FGF12: variants seen among roughly 807,000 people sequenced by gnomAD.
FGF12 encodes the protein fibroblast growth factor 12B.
A neutral mutation model predicts 23.6 loss-of-function variants in FGF12; 14 were observed. The ratio of observed to expected loss-of-function variants is 0.59; its 90% CI spans 0.39 to 0.93. The LOEUF is 0.93. FGF12 is among the 40% of genes least tolerant of loss of function. The pLI is 0.00. For missense variants in FGF12, 175 were observed against 217.8 expected (o/e 0.80, Z 1.24); for synonymous variants, 62 against 77.3 (o/e 0.80, Z 1.04).
intron 2 of FGF12, among the ~76,000 whole-genome samples, chr3:192,542,590 T>C (rs569258294): frequency 5.3e-5 from 8 of 152,152 alleles, no homozygotes; most frequent in African/African-American, 1.9e-4. Context: ...CATTGAAGAG[T>C]TGGGTATTTA....
chr3:192,158,655 C>CCCTCCCCCTTCCTTCTTT (rs1553844333), intron 5 of FGF12, among the ~76,000 whole-genome samples: 6 of 27,104 alleles, frequency 2.2e-4, no homozygotes, highest in Non-Finnish European at 3.5e-4. Flanking sequence ...CTCCCTCCCT[C>CCCTCCCCCTTCCTTCTTT]CCTTCCTTCC....
intron 2 of FGF12, among the ~76,000 whole-genome samples, chr3:192,424,530 C>G (rs1045979338): frequency 1.3e-5 from 2 of 152,148 alleles, no homozygotes; most frequent in East Asian, 3.8e-4. Flanking sequence ...AATTAGTTCA[C>G]CCCTTGTGCA....
chr3:192,159,363 C>T (rs57642290), intron 5 of FGF12, among the ~76,000 whole-genome samples: 2,777 of 152,282 alleles, frequency 0.018, 90 homozygotes, highest in African/African-American at 0.063. Flanking sequence ...TTTCACTTGG[C>T]TTCTTGAACA....
At chr3:192,173,152 G>T (rs1300821974) in intron 4 of FGF12, among the ~76,000 whole-genome samples, 1 of 150,722 alleles carries the variant, frequency 6.6e-6, no homozygotes, top group Non-Finnish European at 1.5e-5. Context: ...GAGGGATAAG[G>T]GTGGAGTGAC....
intron 4 of FGF12, among the ~76,000 whole-genome samples, chr3:192,301,739 A>G (rs1715359305): frequency 6.6e-6 from 1 of 152,144 alleles, no homozygotes. Context: ...GCTGCTTAGT[A>G]TTTTGAATTA....
In FGF12 at chr3:192,409,758, G is replaced by T. The variant is rs764826126; in HGVS notation, c.14-49220C>A. 3.3e-5 allele frequency among the ~76,000 whole-genome samples: 5 copies of T among 152,132 alleles called. No homozygotes were observed. Among genetic ancestry groups the T allele is most frequent in the Admixed American group, 1.3e-4 (2 of 15,274 alleles). On this transcript the variant is annotated intron_variant, in intron 2 of 5. Coordinates refer to ENST00000445105, the MANE Select transcript of FGF12 (RefSeq NM_004113.6). The surrounding 1 kb of genome is among the most constrained non-coding windows in gnomAD (Gnocchi z 4.8). ...CCCCTAGGCCTCCTGGGGCTACCTC[G>T]CGAGGCAGCCGAGGGCGCAACCCGG... is the stretch of plus-strand genomic sequence containing the variant.
chr3:192,360,371 T>C lies in FGF12; in HGVS notation c.124+57A>G, dbSNP rs1718661693. ...GCTTAGCAATGCTTTAAGTATAAGA[T>C]ACACTGGGCCCTACATTTGATTTGT... is the stretch of plus-strand genomic sequence containing the variant. On this transcript the variant is annotated intron_variant, in intron 3 of 5. Transcript: ENST00000445105. This position sits in a 1 kb window ranked among gnomAD's most constrained non-coding sequence, Gnocchi z 4.3. 1 of 1,213,206 alleles carries C rather than the reference T, an allele frequency of 8.2e-7. No homozygotes were observed. The highest frequency in any genetic ancestry group is 1.2e-6 in the Non-Finnish European group (1 of 816,206). 75.2% of individuals were successfully genotyped at this position (1,213,206 alleles called of 1,614,324 possible).
intron 2 of FGF12, among the ~76,000 whole-genome samples, chr3:192,666,579 G>A (rs1317085164): frequency 1.3e-5 from 2 of 152,188 alleles, no homozygotes; most frequent in African/African-American, 4.8e-5. Context: ...CTGGCTGTTG[G>A]ACATAGGACT....
At chr3:192,451,105 A>G (rs566547332) in intron 2 of FGF12, among the ~76,000 whole-genome samples, 1 of 152,286 alleles carries the variant, frequency 6.6e-6, no homozygotes, top group Admixed American at 6.5e-5. Flanking sequence ...GGTCTCTTGG[A>G]GCTGTAAGTT....
intron 4 of FGF12, among the ~76,000 whole-genome samples, chr3:192,266,363 T>C (rs1309318069): frequency 6.6e-6 from 1 of 152,062 alleles, no homozygotes; most frequent in African/African-American, 2.4e-5. Context: ...GCTGAACAAA[T>C]GAAAAGCTGA....
chr3:192,726,890 A>ACCTCCT (rs201014905), intron 2 of FGF12: 1 of 498,022 alleles, frequency 2.0e-6, no homozygotes, highest in Non-Finnish European at 3.6e-6. Context: ...ACTAACACAT[A>ACCTCCT]CCTCCTCCTC....
intron 2 of FGF12, among the ~76,000 whole-genome samples, chr3:192,480,885 G>T (rs1008831938): frequency 2.6e-5 from 4 of 152,140 alleles, no homozygotes; most frequent in African/African-American, 9.7e-5. Flanking sequence ...ATTGATCAAA[G>T]TGTTTTCTTT....
At chr3:192,381,652 T>C (rs752365712) in intron 2 of FGF12, among the ~76,000 whole-genome samples, 1 of 151,692 alleles carries the variant, frequency 6.6e-6, no homozygotes, top group Non-Finnish European at 1.5e-5. Flanking sequence ...TGAAGATGAG[T>C]GTAAAGAAAA....
chr3:192,520,164 A>G (rs1724781434), intron 2 of FGF12, among the ~76,000 whole-genome samples: 2 of 152,216 alleles, frequency 1.3e-5, no homozygotes. Flanking sequence ...ATACACGTAC[A>G]TCATATTTAT....
intron 2 of FGF12, among the ~76,000 whole-genome samples, chr3:192,552,297 A>G (rs1285967521): frequency 6.6e-6 from 1 of 152,134 alleles, no homozygotes; most frequent in African/African-American, 2.4e-5. Flanking sequence ...ACTATTTGTG[A>G]AAATCCAGAG....
intron 4 of FGF12, among the ~76,000 whole-genome samples, chr3:192,257,320 C>A (rs1712460792): frequency 6.6e-6 from 1 of 151,970 alleles, no homozygotes; most frequent in Non-Finnish European, 1.5e-5. Flanking sequence ...TTATTTAGAC[C>A]CAATTTCCTA....
At chr3:192,678,525 C>A (rs1717407249) in intron 2 of FGF12, among the ~76,000 whole-genome samples, 1 of 152,196 alleles carries the variant, frequency 6.6e-6, no homozygotes, top group African/African-American at 2.4e-5. Flanking sequence ...AACCAGGAAA[C>A]AATTTCTCCC....
intron 2 of FGF12, among the ~76,000 whole-genome samples, chr3:192,453,863 C>T (rs1222888101): frequency 6.6e-6 from 1 of 152,062 alleles, no homozygotes; most frequent in Non-Finnish European, 1.5e-5. Context: ...TGGGTTTAAA[C>T]TTTATTTCTC....
At chr3:192,309,833 T>C (rs897748840) in intron 4 of FGF12, among the ~76,000 whole-genome samples, 2 of 152,292 alleles carry the variant, frequency 1.3e-5, no homozygotes, top group East Asian at 3.9e-4. Context: ...AGGGAACCCA[T>C]CAGAAAATGT....
Sources: gnomAD v4.1 joint callset for allele counts (sites outside exome capture counted in the v4.1 genomes callset) on GRCh38, gnomAD v4.1.1 for gene constraint, Gnocchi (gnomAD v3.1) non-coding constraint, MANE v1.5 for transcripts, NCBI Gene and HGNC (gene_info 2026-07-23, HGNC 2026-07-21) for gene names.